PARD3B: variants seen among roughly 807,000 people sequenced by gnomAD.
PARD3B encodes the protein par-3 family cell polarity regulator beta.
PARD3B carries 103 observed loss-of-function variants against 130.2 expected under a neutral mutation model. The observed-to-expected ratio is 0.79, with a 90% CI of 0.67 to 0.93. PARD3B has a LOEUF of 0.93. Ranked by LOEUF, PARD3B falls within the 40% of genes least tolerant of loss-of-function variation. The pLI is 0.00. For missense variants in PARD3B, 1,609 were observed against 1,499.2 expected (o/e 1.07, Z -1.21); for synonymous variants, 583 against 553.2 (o/e 1.05, Z -0.76).
At chr2:205,436,026 G>A (rs546363973) in intron 19 of PARD3B, among the ~76,000 whole-genome samples, 1 of 152,260 alleles carries the variant, frequency 6.6e-6, no homozygotes, top group Non-Finnish European at 1.5e-5. Flanking sequence ...GTGCCATCAG[G>A]TTCAGTGTCT....
chr2:204,666,422 C>T (rs1271580551), intron 1 of PARD3B, among the ~76,000 whole-genome samples: 3 of 151,932 alleles, frequency 2.0e-5, no homozygotes, highest in Non-Finnish European at 4.4e-5. Context: ...TGGATTAAAG[C>T]AGTAGTAGGA....
chr2:205,146,863 G>T lies in PARD3B; in HGVS notation c.1435-11859G>T, dbSNP rs537782610. On this transcript the variant is annotated intron_variant, in intron 10 of 22. Transcript: ENST00000406610. This position sits in a 1 kb window ranked among gnomAD's most constrained non-coding sequence, Gnocchi z 4.3. ...CTGCCTCAGCTTCCTGAGTAGCTGGGATTATAGGACCCGGCTAATTTTTTG... is the reference window on the plus strand; with the variant it reads ...CTGCCTCAGCTTCCTGAGTAGCTGGTATTATAGGACCCGGCTAATTTTTTG... Among the ~76,000 whole-genome samples the T allele has an allele frequency of 2.9e-4, 44 of 151,844 alleles. No individual in the cohort carries two copies. Among genetic ancestry groups the T allele is most frequent in the Non-Finnish European group, 6.2e-4 (42 of 67,976 alleles).
chr2:204,831,000 C>T, intron 2 of PARD3B, among the ~76,000 whole-genome samples: 1 of 152,222 alleles, frequency 6.6e-6, no homozygotes, highest in South Asian at 2.1e-4. Flanking sequence ...ATGATATCTC[C>T]TTTTATTATC....
intron 2 of PARD3B, among the ~76,000 whole-genome samples, chr2:204,818,479 C>T (rs1178257605): frequency 3.3e-5 from 5 of 152,048 alleles, no homozygotes; most frequent in African/African-American, 1.2e-4. Flanking sequence ...TTATATTGAT[C>T]TTAAATATGT....
chr2:204,986,584 T>A (rs1693179568), intron 3 of PARD3B, among the ~76,000 whole-genome samples: 2 of 152,346 alleles, frequency 1.3e-5, no homozygotes, highest in Non-Finnish European at 2.9e-5. Flanking sequence ...ACGTACGCAA[T>A]TAATACTATA....
intron 3 of PARD3B, among the ~76,000 whole-genome samples, chr2:204,989,899 T>C (rs1693501162): frequency 6.6e-6 from 1 of 152,096 alleles, no homozygotes; most frequent in African/African-American, 2.4e-5. Context: ...CTTCTTCACA[T>C]AGTCAATGAA....
chr2:205,109,100 A>G (rs190136157), intron 5 of PARD3B, among the ~76,000 whole-genome samples: 76 of 152,286 alleles, frequency 5.0e-4, no homozygotes, highest in African/African-American at 1.5e-3. Flanking sequence ...AACTTCCCCA[A>G]TGAAACAACT....
rs1236143228 is a variant in PARD3B at position 205,258,873 on chromosome 2, A to G, written c.2185+13051A>G. On this transcript the variant is annotated intron_variant, in intron 16 of 22. Transcript: ENST00000406610. This position sits in a 1 kb window ranked among gnomAD's most constrained non-coding sequence, Gnocchi z 4.9. The stretch of plus-strand genomic sequence containing the variant: ...TTATTTTCAGTTTTAAATTTGGACT[A>G]CTTTTTAATGACCTTTTTTCCCTCT... 1.3e-5 allele frequency among the ~76,000 whole-genome samples: 2 copies of G among 152,190 alleles called. No individual in the cohort carries two copies. Among genetic ancestry groups the G allele is most frequent in the Non-Finnish European group, 2.9e-5 (2 of 68,032 alleles).
At chr2:204,696,018 A>G (rs1269464577) in intron 2 of PARD3B, among the ~76,000 whole-genome samples, 3 of 152,076 alleles carry the variant, frequency 2.0e-5, no homozygotes, top group Non-Finnish European at 4.4e-5. Context: ...GTTGTTCAGA[A>G]TCTTCCCAAG....
intron 19 of PARD3B, among the ~76,000 whole-genome samples, chr2:205,422,077 T>C (rs2046990388): frequency 2.0e-5 from 3 of 152,148 alleles, no homozygotes; most frequent in Non-Finnish European, 2.9e-5. Flanking sequence ...CAAGTAATGA[T>C]AGGAGTATGA....
At chr2:205,450,877 A>G (rs895306318) in intron 20 of PARD3B, among the ~76,000 whole-genome samples, 1 of 152,126 alleles carries the variant, frequency 6.6e-6, no homozygotes, top group Non-Finnish European at 1.5e-5. Context: ...ACAAACCATA[A>G]CTCATTAGAT....
intron 2 of PARD3B, among the ~76,000 whole-genome samples, chr2:204,844,970 C>A (rs1054706624): frequency 4.6e-5 from 7 of 151,874 alleles, no homozygotes; most frequent in African/African-American, 1.7e-4. Flanking sequence ...ATTTCTAGGT[C>A]AAATTATTAA....
intron 18 of PARD3B, among the ~76,000 whole-genome samples, chr2:205,376,687 C>T (rs1475379946): frequency 6.6e-6 from 1 of 152,134 alleles, no homozygotes; most frequent in Non-Finnish European, 1.5e-5. Flanking sequence ...TCCGGAATCA[C>T]TGCCATGGGA....
At position 205,440,390 on chromosome 2, in the gene PARD3B, A is replaced by T. The variant is rs2047670237; in HGVS notation, c.2762A>T (p.Glu921Val). Residue 921 changes from glutamate to valine, a missense_variant, in exon 20 of 23, where the codon GAG becomes GTG. Transcript: ENST00000406610. This position sits in a 1 kb window ranked among gnomAD's most constrained non-coding sequence, Gnocchi z 4.2. ...ERERIGAKHQ[E>V]LREKQARGLL... The stretch of plus-strand genomic sequence containing the variant: ...TTCAGGATTGGAGCAAAACATCAGG[A>T]GCTAAGGGAAAAGCAGGCAAGAGGT... The T allele has an allele frequency of 6.2e-7, 1 of 1,613,834 alleles. No homozygotes were observed. The highest frequency in any genetic ancestry group is 8.5e-7 in the Non-Finnish European group (1 of 1,179,924).
In PARD3B at chr2:205,463,379, G is replaced by T. The variant is rs2048515914; in HGVS notation, c.3044+22707G>T. On this transcript the variant is annotated intron_variant, in intron 20 of 22. Coordinates refer to ENST00000406610, the MANE Select transcript of PARD3B (RefSeq NM_001302769.2). The surrounding 1 kb of genome is among the most constrained non-coding windows in gnomAD (Gnocchi z 4.8). ...TGGCCTGGCCAGGCACTGCCTTGCG[G>T]CCCTTCCAAAGGTGGCAGAATGATG... Among the ~76,000 whole-genome samples, 1 of 151,108 alleles carries T rather than the reference G, an allele frequency of 6.6e-6. No individual in the cohort carries two copies. Among genetic ancestry groups the T allele is most frequent in the Non-Finnish European group, 1.5e-5 (1 of 67,934 alleles).
chr2:205,483,418 T>A (rs2049318190), intron 20 of PARD3B, among the ~76,000 whole-genome samples: 1 of 152,218 alleles, frequency 6.6e-6, no homozygotes, highest in Admixed American at 6.5e-5. Context: ...AGCTACAGAC[T>A]TCAGAGCTTT....
At chr2:205,496,236 C>T (rs974276777) in intron 20 of PARD3B, among the ~76,000 whole-genome samples, 1 of 151,840 alleles carries the variant, frequency 6.6e-6, no homozygotes, top group African/African-American at 2.4e-5. Flanking sequence ...ATAATAGTGG[C>T]GTATATTATT....
intron 4 of PARD3B, among the ~76,000 whole-genome samples, chr2:205,063,529 C>G (rs1329537309): frequency 6.6e-6 from 1 of 152,076 alleles, no homozygotes; most frequent in Non-Finnish European, 1.5e-5. Flanking sequence ...ATTCCTTTAT[C>G]CGTGTAACTC....
In PARD3B at chr2:205,269,831, T is replaced by G. The variant is rs918819387; in HGVS notation, c.2185+24009T>G. Reference sequence around the variant, plus strand: ...CTACTGGCATGTATCATAGACTCAGTATTTTCTAGAGAATTATCTGGATAC... The same window carrying G: ...CTACTGGCATGTATCATAGACTCAGGATTTTCTAGAGAATTATCTGGATAC... On this transcript the variant is annotated intron_variant, in intron 16 of 22. Coordinates refer to ENST00000406610, the MANE Select transcript of PARD3B (RefSeq NM_001302769.2). This position sits in a 1 kb window ranked among gnomAD's most constrained non-coding sequence, Gnocchi z 4.7. Among the ~76,000 whole-genome samples, 4 of 152,176 alleles carry G rather than the reference T, an allele frequency of 2.6e-5. No homozygotes were observed. The highest frequency in any genetic ancestry group is 4.4e-5 in the Non-Finnish European group (3 of 68,036).
Sources: allele counts gnomAD v4.1 joint callset (sites outside exome capture counted in the v4.1 genomes callset), GRCh38; gene constraint gnomAD v4.1.1; non-coding constraint Gnocchi (gnomAD v3.1); transcripts MANE v1.5; gene names NCBI Gene and HGNC (gene_info 2026-07-23, HGNC 2026-07-21).